Variants in ADGRB3 observed in about 807,000 individuals in gnomAD.
ADGRB3 encodes the protein adhesion G protein-coupled receptor B3.
In ADGRB3, 37 loss-of-function variants were observed where a neutral mutation model predicts 193.4. The ratio of observed to expected loss-of-function variants is 0.19; its 90% CI spans 0.15 to 0.25. The LOEUF (loss-of-function observed/expected upper bound fraction) is 0.25, where lower values mean the gene tolerates loss of function less well. Ranked by LOEUF, ADGRB3 falls within the 10% of genes least tolerant of loss-of-function variation. ADGRB3 has a pLI of 1.00. For synonymous variants in ADGRB3, 690 were observed against 644.2 expected (o/e 1.07, Z -1.08); for missense variants, 1,637 against 1,852.9 (o/e 0.88, Z 2.14).
intron 3 of ADGRB3, among the ~76,000 whole-genome samples, chr6:68,916,513 T>A (rs1766883919): frequency 6.6e-6 from 1 of 152,118 alleles, no homozygotes. Context: ...GTTCAGTGGT[T>A]TGGTGGATAC....
At chr6:69,172,442 G>A (rs1190032869) in intron 17 of ADGRB3, among the ~76,000 whole-genome samples, 9 of 151,652 alleles carry the variant, frequency 5.9e-5, no homozygotes. Context: ...AGGAGATCAA[G>A]ACCATACTGG....
At chr6:68,700,823 G>A (rs1345347992) in intron 3 of ADGRB3, among the ~76,000 whole-genome samples, 1 of 127,720 alleles carries the variant, frequency 7.8e-6, no homozygotes, top group East Asian at 2.7e-4. Flanking sequence ...GCCTGTCGTA[G>A]GGTGGGGGGA....
intron 23 of ADGRB3, among the ~76,000 whole-genome samples, chr6:69,331,164 G>A (rs1768720037): frequency 6.6e-6 from 1 of 151,976 alleles, no homozygotes; most frequent in African/African-American, 2.4e-5. Context: ...AATGGTCCCG[G>A]GGGGTCAAAA....
In ADGRB3 at chr6:69,081,484, T is replaced by A. The variant is rs184607885; in HGVS notation, c.2480+5446T>A. 3.3e-3 allele frequency among the ~76,000 whole-genome samples: 498 copies of A among 152,030 alleles called. 2 individuals are homozygous for A. The highest frequency in any genetic ancestry group is 0.012 in the African/African-American group (478 of 41,540). On this transcript the variant is annotated intron_variant, in intron 17 of 31. Coordinates refer to ENST00000370598, the MANE Select transcript of ADGRB3 (RefSeq NM_001704.3). ...ATATTACAAAAAGCAATAGAAAAAATTTAATTTTCTAAGAAAATAGAAATA... is the reference window on the plus strand; with the variant it reads ...ATATTACAAAAAGCAATAGAAAAAAATTAATTTTCTAAGAAAATAGAAATA...
chr6:68,920,167 A>G (rs1156862160), intron 3 of ADGRB3, among the ~76,000 whole-genome samples: 1 of 152,176 alleles, frequency 6.6e-6, no homozygotes, highest in East Asian at 1.9e-4. Flanking sequence ...AACGAAATGA[A>G]AAACACGAAT....
intron 20 of ADGRB3, among the ~76,000 whole-genome samples, chr6:69,259,153 A>G (rs1358157409): frequency 6.6e-6 from 1 of 152,178 alleles, no homozygotes; most frequent in Non-Finnish European, 1.5e-5. Flanking sequence ...CCAAAAATAT[A>G]TCCTTTCGAA....
At chr6:68,789,486 A>T (rs1172405000) in intron 3 of ADGRB3, among the ~76,000 whole-genome samples, 3 of 152,238 alleles carry the variant, frequency 2.0e-5, no homozygotes, top group Non-Finnish European at 4.4e-5. Flanking sequence ...ATTGGTCCCC[A>T]CACTCTTCTG....
At chr6:69,155,372 A>G (rs1490728983) in intron 17 of ADGRB3, among the ~76,000 whole-genome samples, 1 of 152,226 alleles carries the variant, frequency 6.6e-6, no homozygotes, top group Non-Finnish European at 1.5e-5. Context: ...TTTTCATCTG[A>G]CAAACTAGAA....
chr6:69,219,668 TC>T (rs1765851942), intron 17 of ADGRB3, among the ~76,000 whole-genome samples: 1 of 151,388 alleles, frequency 6.6e-6, no homozygotes, highest in Non-Finnish European at 1.5e-5. Context: ...GTGCATGGTG[TC>T]CTTGGTTTTA....
At chr6:68,782,422 G>T (rs567817941) in intron 3 of ADGRB3, among the ~76,000 whole-genome samples, 1 of 151,630 alleles carries the variant, frequency 6.6e-6, no homozygotes, top group Non-Finnish European at 1.5e-5. Flanking sequence ...GAATAGTGCC[G>T]CAATAAACAT....
chr6:68,805,984 C>T (rs1441352449), intron 3 of ADGRB3, among the ~76,000 whole-genome samples: 2 of 152,176 alleles, frequency 1.3e-5, no homozygotes, highest in Non-Finnish European at 2.9e-5. Flanking sequence ...GGAGGCATAA[C>T]ATACCATGTG....
At chr6:69,065,471 G>T (rs1462447613) in intron 16 of ADGRB3, among the ~76,000 whole-genome samples, 1 of 152,010 alleles carries the variant, frequency 6.6e-6, no homozygotes, top group African/African-American at 2.4e-5. Context: ...AATTTCTAAA[G>T]CTTATTGTAT....
intron 3 of ADGRB3, among the ~76,000 whole-genome samples, chr6:68,686,050 T>G (rs1764977802): frequency 6.6e-6 from 1 of 152,202 alleles, no homozygotes; most frequent in Non-Finnish European, 1.5e-5. Context: ...AAAATATGTG[T>G]CCTTTAAAGG....
At position 69,361,159 on chromosome 6, in the gene ADGRB3, A is replaced by G. The variant is rs145331140; in HGVS notation, c.3886A>G (p.Ile1296Val). The change falls in exon 29 of 32, where the codon ATA becomes GTA. Residue 1296 changes from isoleucine to valine, a missense_variant. Around this residue, in one of 7 missense-constraint regions of ADGRB3, gnomAD observed 368 missense variants for 367.4 expected, o/e 1.00. Coordinates refer to ENST00000370598, the MANE Select transcript of ADGRB3 (RefSeq NM_001704.3). The part of the protein sequence containing the change: ...DDNLRGADMD[I>V]VHPQERMMES... Reference sequence around the variant, plus strand: ...TAATTTGAGAGGGGCTGACATGGACATAGTCCATCCTCAAGAAAGAATGAT... The same window carrying G: ...TAATTTGAGAGGGGCTGACATGGACGTAGTCCATCCTCAAGAAAGAATGAT... 14 of 1,612,792 alleles carry G rather than the reference A, an allele frequency of 8.7e-6. No individual in the cohort carries two copies. The highest frequency in any genetic ancestry group is 2.2e-5 in the East Asian group (1 of 44,822).
At chr6:68,706,507 C>A (rs1765328212) in intron 3 of ADGRB3, among the ~76,000 whole-genome samples, 1 of 152,192 alleles carries the variant, frequency 6.6e-6, no homozygotes, top group South Asian at 2.1e-4. Flanking sequence ...GTTTCTGTAG[C>A]AGCAGCATGA....
At chr6:69,287,600 A>G (rs1380684033) in intron 20 of ADGRB3, among the ~76,000 whole-genome samples, 1 of 152,180 alleles carries the variant, frequency 6.6e-6, no homozygotes, top group African/African-American at 2.4e-5. Context: ...ATTTTTTCAC[A>G]CTTGAGGAAA....
chr6:69,031,327 G>A (rs1205209951), intron 13 of ADGRB3, among the ~76,000 whole-genome samples: 2 of 151,312 alleles, frequency 1.3e-5, no homozygotes, highest in Non-Finnish European at 2.9e-5. Flanking sequence ...TGTAGTCCCA[G>A]CTACTCGGGA....
intron 3 of ADGRB3, among the ~76,000 whole-genome samples, chr6:68,906,696 C>A (rs1230811203): frequency 6.6e-6 from 1 of 151,784 alleles, no homozygotes; most frequent in East Asian, 1.9e-4. Context: ...ATTGCTATTG[C>A]AGTTTATGTT....
intron 17 of ADGRB3, among the ~76,000 whole-genome samples, chr6:69,118,451 AAGGC>A (rs2150328538): frequency 9.4e-6 from 1 of 106,628 alleles, no homozygotes; most frequent in East Asian, 2.8e-3. Context: ...TACCAGAGTA[AAGGC>A]CCAGGTACAC....
Sources: allele counts gnomAD v4.1 joint callset (sites outside exome capture counted in the v4.1 genomes callset), GRCh38; gene constraint gnomAD v4.1.1; regional missense constraint gnomAD v4.1.1; transcripts MANE v1.5; gene names NCBI Gene and HGNC (gene_info 2026-07-23, HGNC 2026-07-21).